ETFA: variants seen among roughly 807,000 people sequenced by gnomAD.
ETFA encodes the protein electron transfer flavoprotein subunit alpha.
Under a neutral mutation model 46.2 loss-of-function variants are expected in ETFA, and 22 were observed. That is an observed-to-expected ratio of 0.48 (90% CI 0.34 to 0.68). The LOEUF is 0.68. ETFA is among the 30% of genes least tolerant of loss of function. ETFA has a pLI of 0.01. For synonymous variants in ETFA, 131 were observed against 139.9 expected, an observed-to-expected ratio of 0.94 and a Z score of 0.45; for missense variants, 345 against 401.1, an observed-to-expected ratio of 0.86 and a Z score of 1.19.
At chr15:76,300,584 C>A (rs1023135680) in intron 1 of ETFA, among the ~76,000 whole-genome samples, 1 of 152,212 alleles carries the variant, frequency 6.6e-6, no homozygotes, top group African/African-American at 2.4e-5. Context: ...TTCTAACCTA[C>A]AATTCTGCTT....
chr15:76,230,230 T>TTTTTC lies in ETFA; in HGVS notation c.882+1102_882+1103insGAAAA, dbSNP rs2039052007. On this transcript the variant is annotated intron_variant, in intron 10 of 11. Coordinates refer to ENST00000557943, the MANE Select transcript of ETFA (RefSeq NM_000126.4). ...TCTACTTATTGCACTTTTTTTTTTTTTTTTTTTTTTTTTTGAGACGGAGTC... is the reference window on the plus strand; with the variant it reads ...TCTACTTATTGCACTTTTTTTTTTTTTTTTCTTTTTTTTTTTTTTGAGACGGAGTC... The TTTTTC allele has an allele frequency of 9.6e-5, 2 of 20,796 alleles. 1 individual carries two copies. The highest frequency in any genetic ancestry group is 1.6e-4 in the African/African-American group (2 of 12,582). The allele number at this position is 20,796 out of a possible 1,614,324, so 1.3% of individuals were successfully genotyped here.
intron 8 of ETFA, among the ~76,000 whole-genome samples, chr15:76,283,023 A>G (rs1596217219): frequency 6.6e-6 from 1 of 152,108 alleles, no homozygotes; most frequent in East Asian, 1.9e-4. Flanking sequence ...AATAGGTTCT[A>G]CCTTACCTAT....
intron 8 of ETFA, 67 bp from the exon 9 acceptor site, chr15:76,274,561 A>G (rs1346286024): frequency 8.3e-7 from 1 of 1,209,142 alleles, no homozygotes; most frequent in Non-Finnish European, 1.2e-6. Context: ...ATATTCACTG[A>G]TAACTGTAAA....
intron 8 of ETFA, among the ~76,000 whole-genome samples, chr15:76,277,988 TCTC>T (rs2039612584): frequency 6.6e-6 from 1 of 152,194 alleles, no homozygotes; most frequent in African/African-American, 2.4e-5. Flanking sequence ...CAACCTCACT[TCTC>T]CTATGGATCT....
intron 9 of ETFA, among the ~76,000 whole-genome samples, chr15:76,231,721 T>A (rs1482679735): frequency 6.6e-6 from 1 of 152,182 alleles, no homozygotes; most frequent in Non-Finnish European, 1.5e-5. Flanking sequence ...GTAGCATTTT[T>A]CATCTGTGGC....
At chr15:76,247,828 A>C (rs2039258388) in intron 9 of ETFA, among the ~76,000 whole-genome samples, 2 of 152,246 alleles carry the variant, frequency 1.3e-5, no homozygotes, top group Non-Finnish European at 2.9e-5. Context: ...GCAGATTTTT[A>C]CATGAACTGG....
chr15:76,280,221 G>A (rs1164924465), intron 8 of ETFA, among the ~76,000 whole-genome samples: 1 of 151,984 alleles, frequency 6.6e-6, no homozygotes, highest in East Asian at 1.9e-4. Context: ...TAACTGACAT[G>A]TCTACTCAGA....
chr15:76,272,813 CATAT>C (rs71143306), intron 9 of ETFA, among the ~76,000 whole-genome samples: 1 of 137,550 alleles, frequency 7.3e-6, no homozygotes, highest in Admixed American at 7.2e-5. Context: ...AAAATATATA[CATAT>C]ATATATATAT....
At chr15:76,272,487 T>C (rs1041451455) in intron 9 of ETFA, among the ~76,000 whole-genome samples, 10 of 152,158 alleles carry the variant, frequency 6.6e-5, no homozygotes, top group African/African-American at 2.4e-4. Context: ...CCCAAAGTGC[T>C]GGGATTACAG....
At chr15:76,231,285 C>G (rs2039063674) in intron 10 of ETFA, 48 bp downstream of exon 10, 7 of 1,209,826 alleles carry the variant, frequency 5.8e-6, no homozygotes, top group Non-Finnish European at 8.6e-6. Context: ...TAAGCCAAAT[C>G]CTAAAATGTG....
chr15:76,259,484 G>A (rs1425189931), intron 9 of ETFA: 4 of 864,296 alleles, frequency 4.6e-6, no homozygotes, highest in Non-Finnish European at 8.1e-6. Flanking sequence ...CGCCAATGAG[G>A]TAGTTGTAAA....
chr15:76,274,315 A>T, intron 9 of ETFA, 97 bp downstream of exon 9: 1 of 960,292 alleles, frequency 1.0e-6, no homozygotes. Flanking sequence ...GCTCAGGAAC[A>T]CTGAGTAAGG....
intron 9 of ETFA, chr15:76,260,450 C>A: frequency 6.3e-7 from 1 of 1,582,458 alleles, no homozygotes; most frequent in South Asian, 1.1e-5. Flanking sequence ...GAGGGCCCTT[C>A]TGGCCTGCAT....
Position 76,231,359 on chromosome 15 carries a change from G to A in ETFA, c.856C>T (p.His286Tyr), listed in dbSNP as rs761479630. Residue 286 changes from histidine to tyrosine, a missense_variant, in exon 10 of 12, where the codon CAT becomes TAT. Coordinates refer to ENST00000557943, the MANE Select transcript of ETFA (RefSeq NM_000126.4). ...TTGCTGTCTTTCATCCCAGCTAAAT[G>A]TTGGATGGCTCCAGATATTCCAACA... The part of the protein sequence containing the change: ...IAVGISGAIQ[H>Y]LAGMKDSKTI... 6.2e-7 allele frequency: 1 copy of A among 1,607,398 alleles called. No individual in the cohort carries two copies. Among genetic ancestry groups the A allele is most frequent in the Non-Finnish European group, 8.5e-7 (1 of 1,173,934 alleles).
chr15:76,222,984 G>A (rs757935233), intron 11 of ETFA, among the ~76,000 whole-genome samples: 26 of 151,816 alleles, frequency 1.7e-4, no homozygotes, highest in Non-Finnish European at 3.2e-4. Flanking sequence ...ACAGGCACAC[G>A]TCACCAGACC....
intron 9 of ETFA, among the ~76,000 whole-genome samples, chr15:76,243,567 G>A (rs1268568516): frequency 6.6e-6 from 1 of 152,056 alleles, no homozygotes; most frequent in East Asian, 1.9e-4. Flanking sequence ...GGAGGCCGAG[G>A]CGGGTGGATC....
Position 76,272,813 on chromosome 15 carries a change from C to CACATATATAT in ETFA, c.816+1598_816+1599insATATATATGT, listed in dbSNP as rs1555457982. On this transcript the variant is annotated intron_variant, in intron 9 of 11. Coordinates refer to ENST00000557943, the MANE Select transcript of ETFA (RefSeq NM_000126.4). ...AAGACCCTGTCTCTTAAAATATATA[C>CACATATATAT]ATATATATATATATATATGCGCATG... Among the ~76,000 whole-genome samples the CACATATATAT allele has an allele frequency of 4.5e-4, 62 of 137,596 alleles. No individual in the cohort carries two copies. The South Asian group carries it at 0.013, about 30-fold the overall frequency. 90.3% of individuals were successfully genotyped at this position (137,596 alleles called of 152,430 possible).
intron 4 of ETFA, 127 bp downstream of exon 4, chr15:76,292,304 A>T (rs1235568348): frequency 1.5e-5 from 11 of 741,906 alleles, no homozygotes; most frequent in Non-Finnish European, 2.4e-5. Flanking sequence ...AAATTTTAGC[A>T]AAACTACCAC....
chr15:76,295,936 C>CTTTTTTTTTTTTTTGTTTT (rs2039816902), intron 1 of ETFA, among the ~76,000 whole-genome samples, 199 bp from the exon 2 acceptor site: 1 of 46,602 alleles, frequency 2.1e-5, no homozygotes, highest in Non-Finnish European at 4.2e-5. Flanking sequence ...CACTAATATT[C>CTTTTTTTTTTTTTTGTTTT]TTTTTTTTTT....
Sources: gnomAD v4.1 joint callset for allele counts (sites outside exome capture counted in the v4.1 genomes callset) on GRCh38, gnomAD v4.1.1 for gene constraint, MANE v1.5 for transcripts, NCBI Gene and HGNC (gene_info 2026-07-23, HGNC 2026-07-21) for gene names.